TENM3: variants seen among roughly 807,000 people sequenced by gnomAD.
The protein encoded by TENM3 is teneurin-3.
A neutral mutation model predicts 255.1 loss-of-function variants in TENM3; 63 were observed. The observed-to-expected ratio is 0.25, with a 90% CI of 0.20 to 0.30. The LOEUF (loss-of-function observed/expected upper bound fraction) is 0.30, where lower values mean the gene tolerates loss of function less well. Among genes scored for constraint, TENM3 ranks in the 10% least tolerant of loss-of-function variants. TENM3 has a pLI of 1.00. For missense variants in TENM3, 2,929 were observed against 3,461.1 expected (o/e 0.85, Z 3.86); for synonymous variants, 1,306 against 1,322.3 (o/e 0.99, Z 0.27).
At chr4:181,559,328 C>A in the TENM3 span, among the ~76,000 whole-genome samples, 5 of 152,018 alleles carry the variant, frequency 3.3e-5, no homozygotes, top group African/African-American at 1.2e-4. Flanking sequence ...GTATACCGAC[C>A]CACAATGGCA....
chr4:181,520,024 G>A, the TENM3 span, among the ~76,000 whole-genome samples: 4 of 152,160 alleles, frequency 2.6e-5, no homozygotes, highest in Non-Finnish European at 5.9e-5. Flanking sequence ...TGGAACTCAG[G>A]CCTGTGAGGC....
the TENM3 span, among the ~76,000 whole-genome samples, chr4:182,109,756 G>A: frequency 1.1e-4 from 16 of 152,174 alleles, no homozygotes; most frequent in African/African-American, 3.9e-4. Context: ...ATGTGTTGAT[G>A]TTTAGAAAGG....
chr4:181,516,411 A>C, the TENM3 span, among the ~76,000 whole-genome samples: 1 of 151,990 alleles, frequency 6.6e-6, no homozygotes, highest in South Asian at 2.1e-4. Flanking sequence ...TAAGGGAATC[A>C]GACCCAAAAT....
chr4:182,489,929 A>T lies in TENM3; in HGVS notation c.512-110995A>T, dbSNP rs570361778. ...CTTCTGGGATGTTGCCTTAATAGAA[A>T]TAACAGTCTACTAGAGAAACTCAAA... On this transcript the variant is annotated intron_variant, in intron 3 of 27. Coordinates refer to ENST00000511685, the MANE Select transcript of TENM3 (RefSeq NM_001080477.4). Among the ~76,000 whole-genome samples, 4 of 151,950 alleles carry T rather than the reference A, an allele frequency of 2.6e-5. No homozygotes were observed. The South Asian group carries it at 8.3e-4, about 32-fold the overall frequency.
At chr4:182,198,512 C>T (rs1451493174) in intron 1 of TENM3, among the ~76,000 whole-genome samples, 1 of 152,228 alleles carries the variant, frequency 6.6e-6, no homozygotes, top group Non-Finnish European at 1.5e-5. Flanking sequence ...TTGGGGTGAA[C>T]TGTGCAGCTT....
intron 3 of TENM3, among the ~76,000 whole-genome samples, chr4:182,347,395 C>T (rs924759421): frequency 2.0e-5 from 3 of 152,186 alleles, no homozygotes; most frequent in African/African-American, 7.2e-5. Context: ...TGAGTGAGCA[C>T]GCAGAATAGT....
At chr4:182,613,494 T>C (rs189277725) in intron 4 of TENM3, among the ~76,000 whole-genome samples, 246 of 152,298 alleles carry the variant, frequency 1.6e-3, no homozygotes, top group African/African-American at 5.5e-3. Context: ...TAGAAACACT[T>C]TGCTTCATAT....
At chr4:181,486,031 G>A in the TENM3 span, among the ~76,000 whole-genome samples, 1 of 151,258 alleles carries the variant, frequency 6.6e-6, no homozygotes, top group South Asian at 2.1e-4. Context: ...AAAAAAACCT[G>A]CAATATGTGT....
the TENM3 span, among the ~76,000 whole-genome samples, chr4:181,993,285 A>G: frequency 6.6e-6 from 1 of 152,172 alleles, no homozygotes; most frequent in African/African-American, 2.4e-5. Flanking sequence ...TTTCAGAGGT[A>G]CAGATGCTAA....
Position 182,681,838 on chromosome 4 carries a change from C to A in TENM3, c.1859C>A (p.Ser620Tyr). The stretch of plus-strand genomic sequence containing the variant: ...GCTGACTGTATAGACCCTGGGTGTT[C>A]TAATCATGGTGTGTGTATCCACGGG... ...EEADCIDPGCSNHGVCIHGEC... is the reference protein window; with the variant it reads ...EEADCIDPGCYNHGVCIHGEC... Residue 620 changes from serine (S) to tyrosine (Y), a missense_variant, in exon 11 of 28, where the codon TCT (serine) becomes TAT (tyrosine). Physicochemically the swap from Ser to Tyr is moderately radical, Grantham distance 144. Around this residue, in one of 6 missense-constraint regions of TENM3, gnomAD observed 1,608 missense variants for 1,884.4 expected, o/e 0.85. Coordinates refer to ENST00000511685, the MANE Select transcript of TENM3 (RefSeq NM_001080477.4). 6.2e-7 allele frequency: 1 copy of A among 1,613,570 alleles called. No individual in the cohort carries two copies.
chr4:182,758,530 G>A (rs910244315), intron 22 of TENM3, among the ~76,000 whole-genome samples: 9 of 152,148 alleles, frequency 5.9e-5, no homozygotes, highest in Admixed American at 1.3e-4. Flanking sequence ...GGCGGGATGT[G>A]AGCATCCTAA....
chr4:181,534,124 C>T, the TENM3 span, among the ~76,000 whole-genome samples: 1 of 151,908 alleles, frequency 6.6e-6, no homozygotes, highest in Non-Finnish European at 1.5e-5. Context: ...GGTGCAGTGG[C>T]TCATGCCTGT....
the TENM3 span, among the ~76,000 whole-genome samples, chr4:181,541,478 T>A: frequency 6.6e-6 from 1 of 152,196 alleles, no homozygotes; most frequent in Non-Finnish European, 1.5e-5. Flanking sequence ...AGTTTCTGTT[T>A]CCTACTGACT....
At chr4:182,596,371 C>T (rs534396971) in intron 3 of TENM3, among the ~76,000 whole-genome samples, 123 of 152,208 alleles carry the variant, frequency 8.1e-4, no homozygotes, top group African/African-American at 2.6e-3. Flanking sequence ...GAATCCTGCC[C>T]GTAGGGAGCT....
chr4:181,712,995 C>T, the TENM3 span, among the ~76,000 whole-genome samples: 6 of 152,146 alleles, frequency 3.9e-5, no homozygotes, highest in Non-Finnish European at 7.4e-5. Context: ...CTCCAACTAT[C>T]CCATCATCAC....
chr4:182,564,371 C>G (rs985283543), intron 3 of TENM3, among the ~76,000 whole-genome samples: 2 of 151,874 alleles, frequency 1.3e-5, no homozygotes, highest in Middle Eastern at 3.4e-3. Context: ...CCACGCTGGT[C>G]TTGAACTCCT....
chr4:181,684,178 G>C, the TENM3 span, among the ~76,000 whole-genome samples: 1 of 152,124 alleles, frequency 6.6e-6, no homozygotes, highest in Non-Finnish European at 1.5e-5. Context: ...TCCCAGATCC[G>C]ATTGATTCCG....
chr4:181,684,918 C>CT, the TENM3 span, among the ~76,000 whole-genome samples: 7,200 of 45,084 alleles, frequency 0.16, 1,194 homozygotes, highest in African/African-American at 0.3. Flanking sequence ...CCGTGCCTGG[C>CT]TTTTTTTTTT....
chr4:181,807,643 G>A, the TENM3 span, among the ~76,000 whole-genome samples: 7 of 152,162 alleles, frequency 4.6e-5, no homozygotes, highest in South Asian at 4.1e-4. Context: ...GTGAGCCACC[G>A]CACCTGGCCA....
Sources: allele counts gnomAD v4.1 joint callset (sites outside exome capture counted in the v4.1 genomes callset), GRCh38; gene constraint gnomAD v4.1.1; regional missense constraint gnomAD v4.1.1; transcripts MANE v1.5; gene names NCBI Gene and HGNC (gene_info 2026-07-23, HGNC 2026-07-21).